NEK4: variants seen among roughly 807,000 people sequenced by gnomAD.
NEK4 encodes the protein serine/threonine-protein kinase Nek4.
Under a neutral mutation model 98.4 loss-of-function variants are expected in NEK4, and 86 were observed. That is an observed-to-expected ratio of 0.87 (90% CI 0.73 to 1.05). NEK4 has a LOEUF of 1.05. Among genes scored for constraint, NEK4 ranks in the 50% least tolerant of loss-of-function variants. The pLI, the probability that NEK4 is intolerant of heterozygous loss-of-function variation, is 0.00. For synonymous variants in NEK4, 328 were observed against 342.2 expected, an observed-to-expected ratio of 0.96 and a Z score of 0.46; for missense variants, 898 against 950.3, an observed-to-expected ratio of 0.94 and a Z score of 0.72.
intron 6 of NEK4, among the ~76,000 whole-genome samples, chr3:52,757,120 A>G (rs1199019047): frequency 6.6e-6 from 1 of 152,262 alleles, no homozygotes; most frequent in African/African-American, 2.4e-5. Flanking sequence ...GTGAGAATGT[A>G]GAGAAATTGG....
chr3:52,720,402 T>C (rs570003884), intron 15 of NEK4, among the ~76,000 whole-genome samples: 10 of 152,112 alleles, frequency 6.6e-5, no homozygotes, highest in Non-Finnish European at 1.2e-4. Context: ...TTGAAAAACA[T>C]TGATCTACAT....
At chr3:52,741,290 C>A in intron 13 of NEK4, 121 bp downstream of exon 13, 7 of 525,964 alleles carry the variant, frequency 1.3e-5, no homozygotes, top group South Asian at 2.7e-5. Flanking sequence ...GCATATGCCA[C>A]AAACCATTTA....
rs2097406582 is a variant in NEK4 at position 52,752,263 on chromosome 3, G to C, written c.1037C>G (p.Ala346Gly). 1 of 1,614,044 alleles carries C rather than the reference G, an allele frequency of 6.2e-7. No homozygotes were observed. Among genetic ancestry groups the C allele is most frequent in the Admixed American group, 1.7e-5 (1 of 59,994 alleles). The stretch of plus-strand genomic sequence containing the variant: ...GCTCAAGTCCTGTTTGCAGGTATGG[G>C]CTTTCAGACTGGCAGGTGACTTCAA... ...GLLKSPASLK[A>G]HTCKQDLSNT... is the part of the protein sequence containing the mutation. Residue 346 changes from alanine to glycine, a missense_variant, in exon 7 of 16, where the codon GCC (alanine) becomes GGC (glycine). Transcript: ENST00000233027.
rs769444446 is a variant in NEK4, at chr3:52,739,651, T to C, written c.2094-17A>G. The C allele has an allele frequency of 6.3e-7, 1 of 1,594,048 alleles. No homozygotes were observed. Among genetic ancestry groups the C allele is most frequent in the Non-Finnish European group, 8.6e-7 (1 of 1,164,650 alleles). On this transcript the variant is annotated splice_polypyrimidine_tract_variant and intron_variant, in intron 13 of 15. Coordinates refer to ENST00000233027, the MANE Select transcript of NEK4 (RefSeq NM_003157.6). Reference sequence around the variant, plus strand: ...TGACCTTTCCTGGGGGAAAAAAATATCCCTTTGTTATTTAATTGGCTTCAT... The same window carrying C: ...TGACCTTTCCTGGGGGAAAAAAATACCCCTTTGTTATTTAATTGGCTTCAT...
intron 2 of NEK4, among the ~76,000 whole-genome samples, chr3:52,767,046 G>A (rs933025175): frequency 6.6e-6 from 1 of 152,106 alleles, no homozygotes; most frequent in Non-Finnish European, 1.5e-5. Context: ...CAGTTTGGGA[G>A]GCCGAGGTGA....
chr3:52,743,309 G>T, intron 12 of NEK4, 43 bp downstream of exon 12: 1 of 1,490,642 alleles, frequency 6.7e-7, no homozygotes, highest in Non-Finnish European at 9.4e-7. Context: ...AGGCCTGCCA[G>T]ATGTAGACTG....
intron 15 of NEK4, among the ~76,000 whole-genome samples, chr3:52,728,316 C>G (rs948904323): frequency 1.3e-5 from 2 of 152,158 alleles, no homozygotes; most frequent in Non-Finnish European, 2.9e-5. Context: ...GTAGAGGTTA[C>G]AGAGAGCCAA....
intron 10 of NEK4, among the ~76,000 whole-genome samples, chr3:52,744,620 G>A (rs1040471071): frequency 6.8e-6 from 1 of 147,174 alleles, no homozygotes; most frequent in African/African-American, 2.5e-5. Flanking sequence ...GGAGGCGGTG[G>A]TTGCAATGAG....
chr3:52,740,683 C>G (rs775313982), intron 13 of NEK4, among the ~76,000 whole-genome samples: 3 of 151,820 alleles, frequency 2.0e-5, no homozygotes, highest in Non-Finnish European at 4.4e-5. Context: ...CCCAGCTACT[C>G]GGCGGGGCTG....
At chr3:52,743,919 G>C (rs1206926204) in intron 11 of NEK4, among the ~76,000 whole-genome samples, 3 of 152,142 alleles carry the variant, frequency 2.0e-5, no homozygotes, top group East Asian at 3.9e-4. Context: ...GCAATTCACT[G>C]AACAGTGGAC....
chr3:52,711,941 G>A, intron 15 of NEK4, 72 bp from the exon 16 acceptor site: 1 of 814,806 alleles, frequency 1.2e-6, no homozygotes, highest in Non-Finnish European at 2.0e-6. Context: ...TTAGAGGAAG[G>A]GCTTTTCTAA....
intron 2 of NEK4, among the ~76,000 whole-genome samples, chr3:52,767,734 A>G (rs1467723968): frequency 1.3e-5 from 2 of 152,122 alleles, no homozygotes; most frequent in Non-Finnish European, 2.9e-5. Context: ...AAAAAAAAAA[A>G]AAGAGAGAAA....
intron 6 of NEK4, among the ~76,000 whole-genome samples, chr3:52,759,728 A>G (rs1414354988): frequency 6.6e-6 from 1 of 152,246 alleles, no homozygotes; most frequent in African/African-American, 2.4e-5. Flanking sequence ...CATTTGACTC[A>G]GCAATTCCAC....
chr3:52,729,981 G>T (rs770832945), intron 15 of NEK4, among the ~76,000 whole-genome samples: 1 of 152,024 alleles, frequency 6.6e-6, no homozygotes, highest in African/African-American at 2.4e-5. Context: ...GGTGGCGTGT[G>T]CCTGTAATCC....
chr3:52,748,322 G>GT (rs1290556498), intron 8 of NEK4, among the ~76,000 whole-genome samples: 1 of 152,058 alleles, frequency 6.6e-6, no homozygotes, highest in Non-Finnish European at 1.5e-5. Flanking sequence ...CAAAATGAAT[G>GT]TTTATTTGCA....
In NEK4 at chr3:52,709,723, GAT is replaced by G. The variant is rs2097348517; in HGVS notation, c.*2052_*2053del. ...CTCAAAAAAAAAAAAAAAAAAAAAA[GAT>G]ATGGGTGAGATTCCTTTAATTCTAA... On this transcript the variant is annotated 3_prime_UTR_variant, in exon 16 of 16. Coordinates refer to ENST00000233027, the MANE Select transcript of NEK4 (RefSeq NM_003157.6). The G allele has an allele frequency of 1.1e-5, 1 of 93,922 alleles. No individual in the cohort carries two copies. The highest frequency in any genetic ancestry group is 2.3e-5 in the Non-Finnish European group (1 of 43,726). The allele number at this position is 93,922 out of a possible 1,614,324, so 5.8% of individuals were successfully genotyped here.
At chr3:52,722,252 A>G (rs1031120703) in intron 15 of NEK4, among the ~76,000 whole-genome samples, 1 of 151,678 alleles carries the variant, frequency 6.6e-6, no homozygotes, top group African/African-American at 2.4e-5. Context: ...CACCCTCCTC[A>G]CCCTTCAACA....
In NEK4 at chr3:52,741,502, A is replaced by G. The variant is rs1270562636; in HGVS notation, c.2005-3T>C. On this transcript the variant is annotated splice_region_variant and splice_polypyrimidine_tract_variant and intron_variant, in intron 12 of 15. Coordinates refer to ENST00000233027, the MANE Select transcript of NEK4 (RefSeq NM_003157.6). Reference sequence around the variant, plus strand: ...AGACAATGAATCTGTTTCCTTTCCTATTAAATGTTTGGAAGAATTAAAATT... The same window carrying G: ...AGACAATGAATCTGTTTCCTTTCCTGTTAAATGTTTGGAAGAATTAAAATT... 5.0e-6 allele frequency: 8 copies of G among 1,584,910 alleles called. 1 individual carries two copies. The highest frequency in any genetic ancestry group is 1.7e-5 in the Admixed American group (1 of 59,840).
chr3:52,761,614 T>G (rs1698360933), intron 5 of NEK4, among the ~76,000 whole-genome samples: 1 of 152,182 alleles, frequency 6.6e-6, no homozygotes, highest in Non-Finnish European at 1.5e-5. Flanking sequence ...CGATGTTGGT[T>G]TCTTAGTTTT....
Sources: gnomAD v4.1 joint callset for allele counts (sites outside exome capture counted in the v4.1 genomes callset) on GRCh38, gnomAD v4.1.1 for gene constraint, MANE v1.5 for transcripts, NCBI Gene and HGNC (gene_info 2026-07-23, HGNC 2026-07-21) for gene names.